Variants in NPAS1 observed in about 807,000 individuals in gnomAD.
NPAS1 encodes neuronal PAS domain-containing protein 1.
Under a neutral mutation model 49.2 loss-of-function variants are expected in NPAS1, and 29 were observed. The observed-to-expected ratio is 0.59, with a 90% CI of 0.44 to 0.80. The LOEUF (loss-of-function observed/expected upper bound fraction) is 0.80. Among genes scored for constraint, NPAS1 ranks in the 30% least tolerant of loss-of-function variants. NPAS1 has a pLI of 0.00. For missense variants in NPAS1, 825 were observed against 835.5 expected, an observed-to-expected ratio of 0.99 and a Z score of 0.15; for synonymous variants, 408 against 380.4, an observed-to-expected ratio of 1.07 and a Z score of -0.84.
At chr19:47,024,102 T>A (rs2056857984) in intron 3 of NPAS1, among the ~76,000 whole-genome samples, 2 of 151,626 alleles carry the variant, frequency 1.3e-5, no homozygotes, top group Non-Finnish European at 2.9e-5. Context: ...AGACTCCATC[T>A]CAAAAAATAT....
intron 1 of NPAS1, 46 bp downstream of exon 1, chr19:47,020,043 A>T: frequency 4.6e-6 from 1 of 217,982 alleles, no homozygotes; most frequent in Non-Finnish European, 8.3e-6. Flanking sequence ...TCTGGGTCCC[A>T]GAGGAATGGG....
chr19:47,027,327 T>TCC (rs2056877339), intron 3 of NPAS1, among the ~76,000 whole-genome samples: 2 of 118,462 alleles, frequency 1.7e-5, no homozygotes, highest in South Asian at 3.0e-4. Context: ...TGCCCCTGGA[T>TCC]CCCCCTCTCT....
intron 5 of NPAS1, chr19:47,035,388 T>C (rs2056944350): frequency 6.6e-6 from 1 of 152,220 alleles, no homozygotes. Flanking sequence ...ATCTTTGAAC[T>C]GTAGGTCAGA....
At chr19:47,027,327 TCCCCCTCTCTCTGCCCCAGGTC>T (rs1555770740) in intron 3 of NPAS1, among the ~76,000 whole-genome samples, 4 of 118,524 alleles carry the variant, frequency 3.4e-5, no homozygotes, top group African/African-American at 7.5e-5. Flanking sequence ...TGCCCCTGGA[TCCCCCTCTCTCTGCCCCAGGTC>T]CCCCCTCTCT....
rs1568510776 is a variant in NPAS1 at position 47,042,011 on chromosome 19, A to AAAAAGG, written c.1218-795_1218-794insGGAAAA. ...AAAAAAAAAAAAAAAAAAAAAAGGA[A>AAAAAGG]AAAACACCCTTCTAGGCCAGGCACA... On this transcript the variant is annotated intron_variant, in intron 10 of 11. Coordinates refer to ENST00000602212, the MANE Select transcript of NPAS1 (RefSeq NM_002517.4). Among the ~76,000 whole-genome samples the AAAAAGG allele has an allele frequency of 6.9e-5, 6 of 86,708 alleles. 1 individual carries two copies. Among genetic ancestry groups the AAAAAGG allele is most frequent in the South Asian group, 1.1e-3 (2 of 1,786 alleles). 56.9% of individuals were successfully genotyped at this position (86,708 alleles called of 152,430 possible). A position where few individuals can be genotyped will look rare whatever the true frequency, so the allele number is the denominator to read the frequency against.
chr19:47,045,720 T>C lies in NPAS1; in HGVS notation c.*69T>C. The C allele has an allele frequency of 7.9e-7, 1 of 1,272,196 alleles. No individual in the cohort carries two copies. The highest frequency in any genetic ancestry group is 1.6e-5 in the South Asian group (1 of 60,740). The allele number at this position is 1,272,196 out of a possible 1,614,324, so 78.8% of individuals were successfully genotyped here. A position where few individuals can be genotyped will look rare whatever the true frequency, so the allele number is the denominator to read the frequency against. The stretch of plus-strand genomic sequence containing the variant: ...TCCCCCAGGACAGTAGGCCCGGCTC[T>C]GCCCGTAGCCCTGAGAATTAAACGC... On this transcript the variant is annotated 3_prime_UTR_variant, in exon 12 of 12. Coordinates refer to ENST00000602212, the MANE Select transcript of NPAS1 (RefSeq NM_002517.4).
chr19:47,029,883 A>G (rs2056895115), intron 3 of NPAS1, among the ~76,000 whole-genome samples: 1 of 152,226 alleles, frequency 6.6e-6, no homozygotes, highest in Admixed American at 6.5e-5. Flanking sequence ...TTCCATGTTA[A>G]CTTATTGAGA....
chr19:47,033,099 GCTAA>G (rs1370055629), intron 5 of NPAS1, among the ~76,000 whole-genome samples: 2 of 149,848 alleles, frequency 1.3e-5, no homozygotes, highest in East Asian at 2.0e-4. Flanking sequence ...ACCACACCCG[GCTAA>G]CTTTTTGTAT....
intron 11 of NPAS1, among the ~76,000 whole-genome samples, chr19:47,044,935 CAGG>C (rs1164425925): frequency 6.6e-6 from 1 of 152,136 alleles, no homozygotes; most frequent in Admixed American, 6.5e-5. Context: ...GAGGCTGAGG[CAGG>C]AGAATAGCTT....
chr19:47,030,163 A>G (rs1392103629), intron 3 of NPAS1, among the ~76,000 whole-genome samples: 17 of 152,138 alleles, frequency 1.1e-4, no homozygotes, highest in Admixed American at 1.1e-3. Flanking sequence ...AGCTGGGATT[A>G]TAGGTGCACG....
In NPAS1 at chr19:47,045,553, C is replaced by T; in HGVS notation, c.1675C>T (p.Leu559=). The T allele has an allele frequency of 6.6e-7, 1 of 1,520,870 alleles. No individual in the cohort carries two copies. Among genetic ancestry groups the T allele is most frequent in the Non-Finnish European group, 8.8e-7 (1 of 1,141,786 alleles). 94.2% of individuals were successfully genotyped at this position (1,520,870 alleles called of 1,614,324 possible). Residue 559 remains leucine (L), a synonymous_variant, in exon 12 of 12, where the codon CTG becomes TTG. Transcript: ENST00000602212. ...LGLVYPHLQR[L]GPGPALPEAF... is the part of the protein sequence containing the mutation. ...CCTGGTGTACCCGCACCTGCAGAGG[C>T]TGGGTCCGGGCCCCGCGCTCCCGGA... is the stretch of plus-strand genomic sequence containing the variant.
chr19:47,035,827 T>G (rs78247703), intron 5 of NPAS1, 137 bp from the exon 6 acceptor site: 2 of 881,548 alleles, frequency 2.3e-6, no homozygotes, highest in Non-Finnish European at 3.3e-6. Context: ...TTTTTGTTTT[T>G]TTCTTTTCTT....
At chr19:47,034,436 C>G (rs2056932362) in intron 5 of NPAS1, among the ~76,000 whole-genome samples, 1 of 151,960 alleles carries the variant, frequency 6.6e-6, no homozygotes, top group Non-Finnish European at 1.5e-5. Context: ...CAACTTTGAT[C>G]ATTTTTACAA....
In NPAS1 at chr19:47,045,610, C is replaced by A; in HGVS notation, c.1732C>A (p.Pro578Thr). Residue 578 changes from proline to threonine, a missense_variant, in exon 12 of 12, where the codon CCG becomes ACG. Coordinates refer to ENST00000602212, the MANE Select transcript of NPAS1 (RefSeq NM_002517.4). ...AFYPPLGLPY[P>T]GPAGTRLPRK... Reference sequence around the variant, plus strand: ...TTACCCGCCCCTGGGCCTGCCCTACCCGGGGCCCGCGGGCACCAGGCTGCC... The same window carrying A: ...TTACCCGCCCCTGGGCCTGCCCTACACGGGGCCCGCGGGCACCAGGCTGCC... 6.9e-7 allele frequency: 1 copy of A among 1,449,276 alleles called. No homozygotes were observed. Among genetic ancestry groups the A allele is most frequent in the Non-Finnish European group, 9.0e-7 (1 of 1,112,252 alleles). 89.8% of individuals were successfully genotyped at this position (1,449,276 alleles called of 1,614,324 possible).
At chr19:47,024,008 G>C (rs1599892740) in intron 3 of NPAS1, among the ~76,000 whole-genome samples, 1 of 152,028 alleles carries the variant, frequency 6.6e-6, no homozygotes, top group Non-Finnish European at 1.5e-5. Context: ...CGGAGGCTAA[G>C]GCAGGGGAAT....
chr19:47,021,546 GC>G lies in NPAS1; in HGVS notation c.123-61del, dbSNP rs2056841200. The G allele has an allele frequency of 1.8e-6, 2 of 1,123,686 alleles. No homozygotes were observed. The highest frequency in any genetic ancestry group is 2.4e-6 in the Non-Finnish European group (2 of 834,324). The allele number at this position is 1,123,686 out of a possible 1,614,324, so 69.6% of individuals were successfully genotyped here. The stretch of plus-strand genomic sequence containing the variant: ...CCCAAGGCCCCGGGAGGCGGGGCTC[GC>G]CCCCAGTTCCCAAGCCCCTGAGCCC... On this transcript the variant is annotated intron_variant, in intron 2 of 11. Coordinates refer to ENST00000602212, the MANE Select transcript of NPAS1 (RefSeq NM_002517.4). This position sits in a 1 kb window ranked among gnomAD's most constrained non-coding sequence, Gnocchi z 5.7.
intron 6 of NPAS1, among the ~76,000 whole-genome samples, chr19:47,038,108 A>T (rs2056977205): frequency 6.6e-6 from 1 of 152,052 alleles, no homozygotes; most frequent in Non-Finnish European, 1.5e-5. Flanking sequence ...GGAGGAGGAG[A>T]AGTCTGTGCT....
chr19:47,021,688 G>T lies in NPAS1; in HGVS notation c.199G>T (p.Glu67Ter). ...RRGKENLEFF[E>*]LAKLLPLPGA... Reference sequence around the variant, plus strand: ...CGGGAAGGAGAACCTGGAGTTCTTCGAGCTGGCCAAGCTTCTCCCGCTGCC... The same window carrying T: ...CGGGAAGGAGAACCTGGAGTTCTTCTAGCTGGCCAAGCTTCTCCCGCTGCC... The change falls in exon 3 of 12, where the codon GAG (glutamate) becomes TAG (stop). Residue 67 changes from glutamate (E) to a stop codon, truncating the protein, a stop_gained. Transcript: ENST00000602212. LOFTEE classifies it high-confidence loss of function. This position sits in a 1 kb window ranked among gnomAD's most constrained non-coding sequence, Gnocchi z 5.7. 2 of 1,563,242 alleles carry T rather than the reference G, an allele frequency of 1.3e-6. No homozygotes were observed. The highest frequency in any genetic ancestry group is 1.7e-6 in the Non-Finnish European group (2 of 1,155,800).
intron 3 of NPAS1, among the ~76,000 whole-genome samples, chr19:47,022,113 T>A (rs1037962284): frequency 6.6e-6 from 1 of 152,218 alleles, no homozygotes; most frequent in Non-Finnish European, 1.5e-5. Flanking sequence ...ATGCTATTCC[T>A]ATATTTTTAT....
Sources: allele counts gnomAD v4.1 joint callset (sites outside exome capture counted in the v4.1 genomes callset), GRCh38; gene constraint gnomAD v4.1.1; non-coding constraint Gnocchi (gnomAD v3.1); transcripts MANE v1.5; gene names NCBI Gene and HGNC (gene_info 2026-07-23, HGNC 2026-07-21).